Variants in SHISA9 observed in about 807,000 individuals in gnomAD.
The protein encoded by SHISA9 is shisa family member 9, also known as protein shisa-9.
Under a neutral mutation model 38.0 loss-of-function variants are expected in SHISA9, and 13 were observed. That is an observed-to-expected ratio of 0.34 (90% confidence interval 0.22 to 0.54). The LOEUF (loss-of-function observed/expected upper bound fraction) is 0.54, where lower values mean the gene tolerates loss of function less well. SHISA9 is among the 20% of genes least tolerant of loss of function. The pLI is 0.91. For missense variants in SHISA9, 538 were observed against 575.8 expected (o/e 0.93, Z 0.67); for synonymous variants, 275 against 242.0 (o/e 1.14, Z -1.27).
chr16:13,441,468 C>T, the SHISA9 span, among the ~76,000 whole-genome samples: 2 of 152,154 alleles, frequency 1.3e-5, no homozygotes, highest in Non-Finnish European at 2.9e-5. Context: ...ACCTAGAGAT[C>T]CATTCCCTAT....
chr16:13,352,445 C>T, the SHISA9 span, among the ~76,000 whole-genome samples: 1 of 152,056 alleles, frequency 6.6e-6, no homozygotes, highest in Non-Finnish European at 1.5e-5. Flanking sequence ...TGCATTAATG[C>T]ATTATCAGTG....
chr16:13,075,078 C>T (rs1374315170), intron 2 of SHISA9, among the ~76,000 whole-genome samples: 1 of 152,144 alleles, frequency 6.6e-6, no homozygotes, highest in Non-Finnish European at 1.5e-5. Context: ...ATATCTGCCC[C>T]CTACCATAAG....
chr16:13,029,740 G>A (rs2072968554), intron 2 of SHISA9, among the ~76,000 whole-genome samples: 1 of 152,220 alleles, frequency 6.6e-6, no homozygotes, highest in Non-Finnish European at 1.5e-5. Context: ...TGTGGGATCT[G>A]AAAATAAAAA....
chr16:13,364,434 C>T, the SHISA9 span, among the ~76,000 whole-genome samples: 1 of 152,228 alleles, frequency 6.6e-6, no homozygotes, highest in Non-Finnish European at 1.5e-5. Context: ...AGCATTCACT[C>T]AACTTGCAGG....
At chr16:13,252,735 A>C in the SHISA9 span, among the ~76,000 whole-genome samples, 1 of 152,166 alleles carries the variant, frequency 6.6e-6, no homozygotes, top group Non-Finnish European at 1.5e-5. Flanking sequence ...GTCTCTTCTC[A>C]CTGGGATGGA....
rs1555451379 is a variant in SHISA9 at position 12,975,655 on chromosome 16, G to GT, written c.691+58840_691+58841insT. 2.5e-4 allele frequency among the ~76,000 whole-genome samples: 35 copies of GT among 141,408 alleles called. No individual in the cohort carries two copies. In the South Asian group the frequency reaches 2.6e-3, roughly 10 times the overall value. 92.8% of individuals were successfully genotyped at this position (141,408 alleles called of 152,430 possible). On this transcript the variant is annotated intron_variant, in intron 2 of 4. Coordinates refer to ENST00000558583, the MANE Select transcript of SHISA9 (RefSeq NM_001145204.3). The stretch of plus-strand genomic sequence containing the variant: ...GGTAAATGGGTGGGGTGGGACGGGG[G>GT]CGGGGGGGGTAAGGGCATGTCACTA...
intron 2 of SHISA9, among the ~76,000 whole-genome samples, chr16:13,193,413 A>T (rs556486604): frequency 6.6e-6 from 1 of 152,144 alleles, no homozygotes; most frequent in Non-Finnish European, 1.5e-5. Context: ...GCACAGTGGC[A>T]TAATCTCAGC....
intron 2 of SHISA9, among the ~76,000 whole-genome samples, chr16:12,946,037 G>A (rs750888741): frequency 1.3e-5 from 2 of 152,234 alleles, no homozygotes; most frequent in Non-Finnish European, 2.9e-5. Flanking sequence ...GAACCTGGGA[G>A]GGGGAGGTTG....
chr16:13,022,543 C>A (rs1403976804), intron 2 of SHISA9, among the ~76,000 whole-genome samples: 1 of 152,072 alleles, frequency 6.6e-6, no homozygotes, highest in East Asian at 1.9e-4. Flanking sequence ...GTTGGCCAGG[C>A]TTGTCTTGAA....
chr16:12,995,046 T>A (rs1051983882), intron 2 of SHISA9, among the ~76,000 whole-genome samples: 2 of 149,700 alleles, frequency 1.3e-5, no homozygotes, highest in Non-Finnish European at 3.0e-5. Context: ...GGGCCAGTAT[T>A]TTTTTTTTTA....
intron 4 of SHISA9, among the ~76,000 whole-genome samples, chr16:13,224,086 G>A (rs1448468971): frequency 6.6e-6 from 1 of 152,128 alleles, no homozygotes; most frequent in Non-Finnish European, 1.5e-5. Flanking sequence ...AGTATTGAAG[G>A]GGATAGCAAA....
chr16:13,153,666 G>A (rs2050518672), intron 2 of SHISA9, among the ~76,000 whole-genome samples: 1 of 152,152 alleles, frequency 6.6e-6, no homozygotes, highest in Non-Finnish European at 1.5e-5. Context: ...GCAGAGAAAT[G>A]TGGCCCTCCG....
chr16:13,191,993 A>T (rs941303864), intron 2 of SHISA9, among the ~76,000 whole-genome samples: 1 of 152,212 alleles, frequency 6.6e-6, no homozygotes, highest in Non-Finnish European at 1.5e-5. Flanking sequence ...TCAACAGTTG[A>T]CTGGATAAAG....
chr16:13,022,896 C>G (rs1283357588), intron 2 of SHISA9, among the ~76,000 whole-genome samples: 2 of 152,196 alleles, frequency 1.3e-5, no homozygotes, highest in African/African-American at 4.8e-5. Flanking sequence ...AGCACTCTGC[C>G]TTACTTGTAT....
intron 2 of SHISA9, among the ~76,000 whole-genome samples, chr16:12,966,711 T>C (rs939052582): frequency 6.6e-6 from 1 of 152,220 alleles, no homozygotes; most frequent in African/African-American, 2.4e-5. Flanking sequence ...CTCATTCATT[T>C]CCAGCACAGT....
the SHISA9 span, among the ~76,000 whole-genome samples, chr16:13,562,022 G>A: frequency 1.3e-5 from 2 of 152,162 alleles, no homozygotes; most frequent in African/African-American, 4.8e-5. Flanking sequence ...GTAGGTGATG[G>A]CCTTGTCCTC....
chr16:13,200,099 G>T (rs916628706), intron 2 of SHISA9, among the ~76,000 whole-genome samples: 1 of 152,098 alleles, frequency 6.6e-6, no homozygotes, highest in African/African-American at 2.4e-5. Flanking sequence ...CATTCAATAC[G>T]ATTTACCAGA....
the SHISA9 span, among the ~76,000 whole-genome samples, chr16:13,260,506 A>G: frequency 3.3e-5 from 5 of 149,924 alleles, no homozygotes; most frequent in Admixed American, 1.3e-4. Flanking sequence ...TCTCTAGTGC[A>G]GGGGCAAAAT....
intron 3 of SHISA9, among the ~76,000 whole-genome samples, chr16:13,209,029 G>A (rs963906080): frequency 6.6e-6 from 1 of 152,200 alleles, no homozygotes; most frequent in Non-Finnish European, 1.5e-5. Context: ...CATTTATCAA[G>A]TAATTGGAGA....
Sources: gnomAD v4.1 joint callset for allele counts (sites outside exome capture counted in the v4.1 genomes callset) on GRCh38, gnomAD v4.1.1 for gene constraint, MANE v1.5 for transcripts, NCBI Gene and HGNC (gene_info 2026-07-23, HGNC 2026-07-21) for gene names.